Variants in TMEM131 observed in about 807,000 individuals in gnomAD.
The protein encoded by TMEM131 is transmembrane protein 131, also known as 2610524E03Rik.
TMEM131 carries 66 observed loss-of-function variants against 211.6 expected under a neutral mutation model. The observed-to-expected ratio is 0.31, with a 90% CI of 0.26 to 0.38. The LOEUF is 0.38. TMEM131 is among the 10% of genes least tolerant of loss of function. The probability of loss-of-function intolerance (pLI) is 1.00; values close to 1 mark genes in which losing one functional copy is unlikely to be tolerated. For synonymous variants in TMEM131, 844 were observed against 841.3 expected (o/e 1.00, Z -0.06); for missense variants, 2,036 against 2,299.3 (o/e 0.89, Z 2.34).
At position 97,795,047 on chromosome 2, in the gene TMEM131, T is replaced by G; in HGVS notation, c.3269A>C (p.Glu1090Ala). 6.2e-7 allele frequency: 1 copy of G among 1,613,874 alleles called. No homozygotes were observed. The highest frequency in any genetic ancestry group is 1.1e-5 in the South Asian group (1 of 91,068). ...GGATGCATTCAATATAAATACAAAC[T>G]CAGAGCCACTGGTTGTTATAAACTT... ...ELKFITTSGS[E>A]FVFILNASLP... Residue 1090 changes from glutamate to alanine, a missense_variant, in exon 29 of 41, where the codon GAG (glutamate) becomes GCG (alanine). Glu to Ala is a moderately radical substitution (Grantham distance 107). Around this residue, in one of 3 missense-constraint regions of TMEM131, gnomAD observed 1,623 missense variants for 1,805.9 expected, o/e 0.90. Coordinates refer to ENST00000186436, the MANE Select transcript of TMEM131 (RefSeq NM_015348.2).
Position 97,762,081 on chromosome 2 carries a change from C to A in TMEM131, c.4843G>T (p.Val1615Leu), listed in dbSNP as rs1188218614. ...ATGCTGCTGTAGCTGCCCCGGGCCA[C>A]AAAGGGGCAGGGGGCAGCTGGGGGA... is the stretch of plus-strand genomic sequence containing the variant. Reference protein sequence around the residue: ...PSPPAAPCPFVARGSYSSIVN... With the variant: ...PSPPAAPCPFLARGSYSSIVN... The change falls in exon 36 of 41, where the codon GTG becomes TTG. Residue 1615 changes from valine (V) to leucine (L), a missense_variant. Physicochemically the swap from Val to Leu is conservative, Grantham distance 32. This residue lies in a region of TMEM131 where 1,623 missense variants were observed against 1,805.9 expected (regional missense o/e 0.90). Transcript: ENST00000186436. 6.2e-7 allele frequency: 1 copy of A among 1,604,490 alleles called. No individual in the cohort carries two copies. The highest frequency in any genetic ancestry group is 8.5e-7 in the Non-Finnish European group (1 of 1,176,662).
chr2:97,821,854 T>C (rs896291358), intron 11 of TMEM131, among the ~76,000 whole-genome samples: 1 of 152,074 alleles, frequency 6.6e-6, no homozygotes, highest in Non-Finnish European at 1.5e-5. Flanking sequence ...CTCTTCAGAG[T>C]TGGGAGCATT....
rs1553617870 is a variant in TMEM131 at position 97,943,057 on chromosome 2, G to GAAAAGAAAAGA, written c.188-15571_188-15570insTCTTTTCTTTT. On this transcript the variant is annotated intron_variant, in intron 1 of 40. Transcript: ENST00000186436. ...AAAAGAAAAGAAAGAAAGAAAGAAAGAAAGAAAGAAAGAAAGAAAGAAAGA... is the reference window on the plus strand; with the variant it reads ...AAAAGAAAAGAAAGAAAGAAAGAAAGAAAAGAAAAGAAAAGAAAGAAAGAAAGAAAGAAAGA... Among the ~76,000 whole-genome samples, 6 of 77,760 alleles carry GAAAAGAAAAGA rather than the reference G, an allele frequency of 7.7e-5. No individual in the cohort carries two copies. In the Admixed American group the frequency reaches 8.3e-4, roughly 11 times the overall value. The allele number at this position is 77,760 out of a possible 152,430, so 51.0% of individuals were successfully genotyped here.
At position 97,757,031 on chromosome 2, in the gene TMEM131, A is replaced by G. The variant is rs1395588581; in HGVS notation, c.*68T>C. On this transcript the variant is annotated 3_prime_UTR_variant, in exon 41 of 41. Coordinates refer to ENST00000186436, the MANE Select transcript of TMEM131 (RefSeq NM_015348.2). ...GAGCTGCAGTAAGAGCCTTAAAAAG[A>G]TGTCTCAGAAACTGGCACATCATGA... The G allele has an allele frequency of 1.3e-6, 2 of 1,483,550 alleles. No individual in the cohort carries two copies. The highest frequency in any genetic ancestry group is 1.4e-5 in the African/African-American group (1 of 71,208). 91.9% of individuals were successfully genotyped at this position (1,483,550 alleles called of 1,614,324 possible). A position where few individuals can be genotyped will look rare whatever the true frequency, so the allele number is the denominator to read the frequency against.
At chr2:97,860,072 C>T (rs1464903904) in intron 4 of TMEM131, among the ~76,000 whole-genome samples, 1 of 152,188 alleles carries the variant, frequency 6.6e-6, no homozygotes, top group Non-Finnish European at 1.5e-5. Context: ...GGCATCCATG[C>T]CATGGTTTGC....
At chr2:97,936,404 C>T (rs1677447658) in intron 1 of TMEM131, among the ~76,000 whole-genome samples, 1 of 152,176 alleles carries the variant, frequency 6.6e-6, no homozygotes, top group Non-Finnish European at 1.5e-5. Context: ...TGACCCCAGG[C>T]TTTGTGTAAA....
rs148461645 is a variant in TMEM131, at chr2:97,828,751, A to C, written c.1074+4614T>G. ...TCAGGGATACTACAGCGTTTACAGG[A>C]AAAGGCTTCTGAAATCAGACAACGC... On this transcript the variant is annotated intron_variant, in intron 11 of 40. Coordinates refer to ENST00000186436, the MANE Select transcript of TMEM131 (RefSeq NM_015348.2). Among the ~76,000 whole-genome samples, 3 of 152,338 alleles carry C rather than the reference A, an allele frequency of 2.0e-5. No homozygotes were observed. In the East Asian group the frequency reaches 5.8e-4, roughly 29 times the overall value.
intron 1 of TMEM131, among the ~76,000 whole-genome samples, chr2:97,943,293 T>C (rs184160542): frequency 5.3e-5 from 8 of 152,148 alleles, no homozygotes; most frequent in Admixed American, 3.3e-4. Context: ...AGAGAAAACA[T>C]CACGTTCCAA....
At chr2:97,783,453 T>C (rs1680107365) in intron 31 of TMEM131, among the ~76,000 whole-genome samples, 1 of 152,256 alleles carries the variant, frequency 6.6e-6, no homozygotes, top group South Asian at 2.1e-4. Context: ...TCAAACATTA[T>C]CTGATTTGGT....
chr2:97,836,965 A>T, intron 8 of TMEM131, 112 bp downstream of exon 8: 1 of 809,204 alleles, frequency 1.2e-6, no homozygotes, highest in Non-Finnish European at 2.0e-6. Context: ...GACAACGATT[A>T]AAGAGAAGTC....
At chr2:97,995,327 G>T (rs1480558037) in intron 1 of TMEM131, 149 bp downstream of exon 1, 1 of 686,552 alleles carries the variant, frequency 1.5e-6, no homozygotes, top group South Asian at 6.9e-5. Context: ...TGCGGCGGGC[G>T]CCGCGAGGTC....
chr2:97,963,330 T>C (rs1009902208), intron 1 of TMEM131, among the ~76,000 whole-genome samples: 7 of 152,210 alleles, frequency 4.6e-5, no homozygotes, highest in African/African-American at 1.7e-4. Flanking sequence ...TAATTTCTTG[T>C]ATGTTAAAAG....
intron 3 of TMEM131, among the ~76,000 whole-genome samples, chr2:97,890,980 A>G (rs538223512): frequency 2.0e-5 from 3 of 152,360 alleles, no homozygotes; most frequent in South Asian, 2.1e-4. Context: ...TACCAGATCT[A>G]TATCTAAGGA....
At chr2:97,816,767 A>C (rs1378684885) in intron 12 of TMEM131, among the ~76,000 whole-genome samples, 2 of 152,234 alleles carry the variant, frequency 1.3e-5, no homozygotes, top group African/African-American at 4.8e-5. Flanking sequence ...TAGCAAATAA[A>C]GTGGTCAAAA....
At chr2:97,812,822 T>C (rs1160234967) in intron 15 of TMEM131, 73 bp from the exon 16 acceptor site, 1 of 842,224 alleles carries the variant, frequency 1.2e-6, no homozygotes, top group African/African-American at 1.7e-5. Context: ...AGAAAGTAAC[T>C]ATATTAAAGA....
At chr2:97,846,467 T>A (rs937238218) in intron 5 of TMEM131, among the ~76,000 whole-genome samples, 2 of 152,168 alleles carry the variant, frequency 1.3e-5, no homozygotes, top group African/African-American at 4.8e-5. Flanking sequence ...AGCATATAAT[T>A]TGACAAAATT....
chr2:97,876,064 G>A (rs1465026648), intron 4 of TMEM131, among the ~76,000 whole-genome samples: 1 of 152,146 alleles, frequency 6.6e-6, no homozygotes, highest in Non-Finnish European at 1.5e-5. Flanking sequence ...TACCATCAGA[G>A]AATACTATAA....
In TMEM131 at chr2:97,795,099, T is replaced by C; in HGVS notation, c.3217A>G (p.Thr1073Ala). Reference sequence around the variant, plus strand: ...AGTTCCCGAATAACTCTAGAAGCTGTAAAATCAGGAGTAAACCTAAAACAG... The same window carrying C: ...AGTTCCCGAATAACTCTAGAAGCTGCAAAATCAGGAGTAAACCTAAAACAG... Reference protein sequence around the residue: ...DIIILFTPDFTASRVIRELKF... With the variant: ...DIIILFTPDFAASRVIRELKF... The change falls in exon 29 of 41, where the codon ACA becomes GCA. Residue 1073 changes from threonine to alanine, a missense_variant. By Grantham distance (58) the Thr-to-Ala change is moderately conservative (BLOSUM62 0). Transcript: ENST00000186436. 1 of 1,612,248 alleles carries C rather than the reference T, an allele frequency of 6.2e-7. No individual in the cohort carries two copies. Among genetic ancestry groups the C allele is most frequent in the Non-Finnish European group, 8.5e-7 (1 of 1,179,190 alleles).
chr2:97,882,944 T>C (rs1411124292), intron 4 of TMEM131, among the ~76,000 whole-genome samples: 3 of 152,162 alleles, frequency 2.0e-5, no homozygotes, highest in Non-Finnish European at 4.4e-5. Context: ...GCACAATAAA[T>C]GACAAATTTA....
Sources: gnomAD v4.1 joint callset for allele counts (sites outside exome capture counted in the v4.1 genomes callset) on GRCh38, gnomAD v4.1.1 for gene constraint, gnomAD v4.1.1 regional missense constraint, MANE v1.5 for transcripts, NCBI Gene and HGNC (gene_info 2026-07-23, HGNC 2026-07-21) for gene names.